Variants in CCDC17 observed in about 807,000 individuals in gnomAD.
The protein encoded by CCDC17 is coiled-coil domain-containing protein 17.
CCDC17 carries 79 observed loss-of-function variants against 68.0 expected under a neutral mutation model. The ratio of observed to expected loss-of-function variants is 1.16; its 90% CI spans 0.97 to 1.40. The LOEUF (loss-of-function observed/expected upper bound fraction) is 1.40, where lower values mean the gene tolerates loss of function less well. Ranked by LOEUF, CCDC17 falls within the 40% of genes most tolerant of loss-of-function variation. The probability of loss-of-function intolerance (pLI) is 0.00; values close to 1 mark genes in which losing one functional copy is unlikely to be tolerated. For missense variants in CCDC17, 846 were observed against 811.5 expected (o/e 1.04, Z -0.52); for synonymous variants, 376 against 337.5 (o/e 1.11, Z -1.25).
Position 45,621,043 on chromosome 1 carries a change from C to T in CCDC17, c.1459G>A (p.Ala487Thr). 2 of 1,613,986 alleles carry T rather than the reference C, an allele frequency of 1.2e-6. No individual in the cohort carries two copies. The highest frequency in any genetic ancestry group is 1.7e-6 in the Non-Finnish European group (2 of 1,179,886). The change falls in exon 11 of 13, where the codon GCA becomes ACA. Residue 487 changes from alanine (A) to threonine (T), a missense_variant. By Grantham distance (58) the Ala-to-Thr change is moderately conservative. Coordinates refer to ENST00000528266, the MANE Select transcript of CCDC17 (RefSeq NM_001114938.3). ...GAGACCCAAGCCTTTGGCTGTGGTG[C>T]CCTAGCCCATGCTAGCCCCTGCCAG... ...QVWQGLAWARAPQPKAWVSLG... is the reference protein window; with the variant it reads ...QVWQGLAWARTPQPKAWVSLG...
At chr1:45,621,849 C>G in intron 8 of CCDC17, 28 bp downstream of exon 8, 1 of 1,594,806 alleles carries the variant, frequency 6.3e-7, no homozygotes, top group Non-Finnish European at 8.5e-7. Flanking sequence ...CGTGTCCTCA[C>G]AGCCTTTGCC....
In CCDC17 at chr1:45,620,836, G is replaced by A; in HGVS notation, c.1600-3C>T. ...AGAAAGAGCTCAGCCTGACCTGCCT[G>A]GGGAGAGATGAAATGGTATTGCACT... is the stretch of plus-strand genomic sequence containing the variant. On this transcript the variant is annotated splice_polypyrimidine_tract_variant and splice_region_variant and intron_variant, in intron 11 of 12. Transcript: ENST00000528266. 1 of 1,610,236 alleles carries A rather than the reference G, an allele frequency of 6.2e-7. No individual in the cohort carries two copies. Among genetic ancestry groups the A allele is most frequent in the Non-Finnish European group, 8.5e-7 (1 of 1,178,158 alleles).
chr1:45,620,208 C>A lies in CCDC17; in HGVS notation c.*67G>T. ...AATGTCAGAACATGGAGTAGTAAAC[C>A]TGTAGGTCTGGAAATAGGCCCCAGT... On this transcript the variant is annotated 3_prime_UTR_variant, in exon 13 of 13. Transcript: ENST00000528266. 6.6e-7 allele frequency: 1 copy of A among 1,515,936 alleles called. No homozygotes were observed. The highest frequency in any genetic ancestry group is 8.8e-7 in the Non-Finnish European group (1 of 1,131,210). 93.9% of individuals were successfully genotyped at this position (1,515,936 alleles called of 1,614,324 possible).
At position 45,621,740 on chromosome 1, in the gene CCDC17, G is replaced by C. The variant is rs1361660522; in HGVS notation, c.1087-5C>G. On this transcript the variant is annotated splice_region_variant and splice_polypyrimidine_tract_variant and intron_variant, in intron 8 of 12. Transcript: ENST00000528266. The stretch of plus-strand genomic sequence containing the variant: ...CATTGTTCCAGGAAGCTGTGGCTGT[G>C]GGGAAGAGAGCTGACTCCTCCAGAA... 1 of 1,613,234 alleles carries C rather than the reference G, an allele frequency of 6.2e-7. No homozygotes were observed. The highest frequency in any genetic ancestry group is 1.3e-5 in the African/African-American group (1 of 74,890).
At position 45,621,804 on chromosome 1, in the gene CCDC17, C is replaced by T. The variant is rs990302542; in HGVS notation, c.1087-69G>A. ...CTCATGTTCCCCCAACTGCTCAGAG[C>T]AGAGCTGCCTCCAACCTGTTCCCCC... On this transcript the variant is annotated intron_variant, in intron 8 of 12. Coordinates refer to ENST00000528266, the MANE Select transcript of CCDC17 (RefSeq NM_001114938.3). 6 of 1,600,150 alleles carry T rather than the reference C, an allele frequency of 3.7e-6. No individual in the cohort carries two copies. The Admixed American group carries it at 1.0e-4, about 28-fold the overall frequency.
chr1:45,620,608 CAAG>C, intron 12 of CCDC17, 112 bp downstream of exon 12: 1 of 1,512,604 alleles, frequency 6.6e-7, no homozygotes, highest in South Asian at 1.3e-5. Context: ...GAGGATCAAA[CAAG>C]AAAGCATTGG....
In CCDC17 at chr1:45,623,848, C is replaced by A. The variant is rs908069181; in HGVS notation, c.62G>T (p.Arg21Leu). ...ATGGGTGGCTAACAGAGCTGAGGAG[C>A]GGAAAACCATGTCACAGGTCCCACA... ...LPCGTCDMVF[R>L]SSALLATHTQ... Residue 21 changes from arginine (R) to leucine (L), a missense_variant, in exon 1 of 13, where the codon CGC becomes CTC. Arg to Leu is a moderately radical substitution (Grantham distance 102, BLOSUM62 -2). Coordinates refer to ENST00000528266, the MANE Select transcript of CCDC17 (RefSeq NM_001114938.3). 24 of 1,550,644 alleles carry A rather than the reference C, an allele frequency of 1.5e-5. No individual in the cohort carries two copies. The highest frequency in any genetic ancestry group is 1.8e-5 in the Non-Finnish European group (21 of 1,146,580).
rs1361688587 is a variant in CCDC17 at position 45,622,545 on chromosome 1, T to TG, written c.859+3_859+4insC. 6.4e-7 allele frequency: 1 copy of TG among 1,551,428 alleles called. No homozygotes were observed. Among genetic ancestry groups the TG allele is most frequent in the East Asian group, 2.4e-5 (1 of 40,924 alleles). ...CACCGCTGGCGAGAGGCCCTCCTGTTCACCTCTGCGGGTCTGCGACCGCTG... is the reference window on the plus strand; with the variant it reads ...CACCGCTGGCGAGAGGCCCTCCTGTTGCACCTCTGCGGGTCTGCGACCGCTG... On this transcript the variant is annotated splice_donor_region_variant and intron_variant, in intron 6 of 12. Coordinates refer to ENST00000528266, the MANE Select transcript of CCDC17 (RefSeq NM_001114938.3).
At position 45,623,999 on chromosome 1, in the gene CCDC17, G is replaced by A. The variant is rs1644374352; in HGVS notation, c.-90C>T. On this transcript the variant is annotated 5_prime_UTR_variant, in exon 1 of 13. Coordinates refer to ENST00000528266, the MANE Select transcript of CCDC17 (RefSeq NM_001114938.3). ...CAGAGGAGGATGAAAGAGACATAAAGCCAGAGGCAGAGAGGAAAGGCCGTG... is the reference window on the plus strand; with the variant it reads ...CAGAGGAGGATGAAAGAGACATAAAACCAGAGGCAGAGAGGAAAGGCCGTG... 1.1e-6 allele frequency: 1 copy of A among 933,122 alleles called. No individual in the cohort carries two copies. The highest frequency in any genetic ancestry group is 1.7e-5 in the African/African-American group (1 of 59,854). 57.8% of individuals were successfully genotyped at this position (933,122 alleles called of 1,614,324 possible). A position where few individuals can be genotyped will look rare whatever the true frequency, so the allele number is the denominator to read the frequency against.
chr1:45,621,613 C>A (rs771290388), intron 9 of CCDC17, 25 bp downstream of exon 9: 1 of 1,610,272 alleles, frequency 6.2e-7, no homozygotes, highest in Non-Finnish European at 8.5e-7. Context: ...GTCACAGAGG[C>A]TGTCGAAGGT....
chr1:45,620,346 T>G lies in CCDC17; in HGVS notation c.1798A>C (p.Ser600Arg), dbSNP rs758198211. Residue 600 changes from serine to arginine, a missense_variant, in exon 13 of 13, where the codon AGT becomes CGT. Physicochemically the swap from Ser to Arg is moderately radical, Grantham distance 110 (BLOSUM62 -1). Transcript: ENST00000528266. ...CCCTCATCTCTATCCTTGACTCCACTGAGGGGCTCTTCTGTACGAGGTGGG... is the reference window on the plus strand; with the variant it reads ...CCCTCATCTCTATCCTTGACTCCACGGAGGGGCTCTTCTGTACGAGGTGGG... The part of the protein sequence containing the change: ...DPPPRTEEPL[S>R]GVKDRDEGLG... The G allele has an allele frequency of 6.2e-7, 1 of 1,608,286 alleles. No individual in the cohort carries two copies. Among genetic ancestry groups the G allele is most frequent in the Non-Finnish European group, 8.5e-7 (1 of 1,178,092 alleles).
chr1:45,623,275 G>C lies in CCDC17; in HGVS notation c.435C>G (p.Arg145=), dbSNP rs1291835993. 1 of 1,547,472 alleles carries C rather than the reference G, an allele frequency of 6.5e-7. No individual in the cohort carries two copies. Residue 145 remains arginine (R), a synonymous_variant, in exon 3 of 13, where the codon CGC becomes CGG. Coordinates refer to ENST00000528266, the MANE Select transcript of CCDC17 (RefSeq NM_001114938.3). ...CTTCCATCTCCGCCACGCGCCTCGC[G>C]CGAGTCCTGAACAGCGCCCGCAGCC... ...SERLRALFRT[R]ARRVAEMEAQ...
In CCDC17 at chr1:45,621,350, A is replaced by C. The variant is rs1444929495; in HGVS notation, c.1319T>G (p.Leu440Arg). The change falls in exon 10 of 13, where the codon CTG becomes CGG. Residue 440 changes from leucine to arginine, a missense_variant. Transcript: ENST00000528266. ...RTTALPPALC[L>R]PPPPAPGPMG... ...GGGCCCGGGAGCAGGAGGTGGGGGCAGGCAAAGGGCTGGGGGCAACGCTGT... is the reference window on the plus strand; with the variant it reads ...GGGCCCGGGAGCAGGAGGTGGGGGCCGGCAAAGGGCTGGGGGCAACGCTGT... 6.3e-6 allele frequency: 10 copies of C among 1,590,546 alleles called. No individual in the cohort carries two copies. The African/African-American group carries it at 8.0e-5, about 13-fold the overall frequency.
chr1:45,622,882 C>T (rs923565420), intron 4 of CCDC17, 48 bp from the exon 5 acceptor site: 1 of 1,573,842 alleles, frequency 6.4e-7, no homozygotes. Context: ...ATCAGAGGCC[C>T]CGGGGCTGCA....
At position 45,621,423 on chromosome 1, in the gene CCDC17, G is replaced by A; in HGVS notation, c.1246C>T (p.Gln416Ter). The A allele has an allele frequency of 6.3e-7, 1 of 1,598,282 alleles. No individual in the cohort carries two copies. The highest frequency in any genetic ancestry group is 8.5e-7 in the Non-Finnish European group (1 of 1,172,868). ...RGLEASWIWVQLRTGLARDGR... is the reference protein window; with the variant it reads ...RGLEASWIWV ...TCGCGTGCCAAGCCAGTCCTTAGTTGCACCCAAATCCAGGAAGCCTCAAGG... is the reference window on the plus strand; with the variant it reads ...TCGCGTGCCAAGCCAGTCCTTAGTTACACCCAAATCCAGGAAGCCTCAAGG... Residue 416 changes from glutamine to a stop codon, truncating the protein, a stop_gained, in exon 10 of 13, where the codon CAA (glutamine) becomes TAA (stop). Coordinates refer to ENST00000528266, the MANE Select transcript of CCDC17 (RefSeq NM_001114938.3). LOFTEE classifies it high-confidence loss of function.
chr1:45,623,529 A>G, intron 2 of CCDC17, 28 bp downstream of exon 2: 3 of 1,548,452 alleles, frequency 1.9e-6, no homozygotes, highest in Non-Finnish European at 2.6e-6. Context: ...CAACGTTTTG[A>G]GCCCTGGGGG....
At position 45,622,613 on chromosome 1, in the gene CCDC17, G is replaced by T. The variant is rs1394109547; in HGVS notation, c.795C>A (p.Gly265=). 20 of 1,556,606 alleles carry T rather than the reference G, an allele frequency of 1.3e-5. No homozygotes were observed. Among genetic ancestry groups the T allele is most frequent in the Non-Finnish European group, 1.7e-5 (20 of 1,150,224 alleles). The change falls in exon 6 of 13, where the codon GGC becomes GGA. Residue 265 remains glycine, a synonymous_variant. Transcript: ENST00000528266. ...CCTCCACCTGCAACTGCCATATCTGGCCCAGCACGCCGGGGTCCCGGCCCC... is the reference window on the plus strand; with the variant it reads ...CCTCCACCTGCAACTGCCATATCTGTCCCAGCACGCCGGGGTCCCGGCCCC... ...RDGGRDPGVL[G]QIWQLQVEAS...
Position 45,621,111 on chromosome 1 carries a change from A to G in CCDC17, c.1391T>C (p.Leu464Pro), listed in dbSNP as rs1041065729. The change falls in exon 11 of 13, where the codon CTA becomes CCA. Residue 464 changes from leucine to proline, a missense_variant and splice_region_variant. Leu to Pro is a moderately conservative substitution (Grantham distance 98). Transcript: ENST00000528266. The part of the protein sequence containing the change: ...ILASRQPVPR[L>P]PPSSSVSLVC... ...CAAAGATACTGATGATGAGGGTGGT[A>G]GTCTGTAGAATAACCAAAAAGCAGT... 2.3e-5 allele frequency: 37 copies of G among 1,613,414 alleles called. No homozygotes were observed. The highest frequency in any genetic ancestry group is 3.1e-5 in the Non-Finnish European group (36 of 1,179,674).
At position 45,623,198 on chromosome 1, in the gene CCDC17, C is replaced by G; in HGVS notation, c.493+19G>C. The G allele has an allele frequency of 6.5e-7, 1 of 1,541,660 alleles. No individual in the cohort carries two copies. The highest frequency in any genetic ancestry group is 2.5e-5 in the East Asian group (1 of 40,718). On this transcript the variant is annotated intron_variant, in intron 3 of 12. Coordinates refer to ENST00000528266, the MANE Select transcript of CCDC17 (RefSeq NM_001114938.3). ...GAGGGCAGAGGAGGTCCTTGGTCCC[C>G]GTCCCCCATCTCCTTCACCCTCGCC...
Sources: gnomAD v4.1 joint callset for allele counts on GRCh38, gnomAD v4.1.1 for gene constraint, MANE v1.5 for transcripts, NCBI Gene and HGNC (gene_info 2026-07-23, HGNC 2026-07-21) for gene names.